CAST: variants seen among roughly 807,000 people sequenced by gnomAD.
CAST encodes calpastatin.
A neutral mutation model predicts 119.6 loss-of-function variants in CAST; 76 were observed. The ratio of observed to expected loss-of-function variants is 0.64; its 90% CI spans 0.53 to 0.77. The LOEUF (loss-of-function observed/expected upper bound fraction) is 0.77. Among genes scored for constraint, CAST ranks in the 30% least tolerant of loss-of-function variants. The probability of loss-of-function intolerance (pLI) is 0.00; values close to 1 mark genes in which losing one functional copy is unlikely to be tolerated. For synonymous variants in CAST, 319 were observed against 331.6 expected, an observed-to-expected ratio of 0.96 and a Z score of 0.41; for missense variants, 953 against 946.5, an observed-to-expected ratio of 1.01 and a Z score of -0.09.
chr5:96,343,070 A>T, the CAST span, among the ~76,000 whole-genome samples: 1 of 152,318 alleles, frequency 6.6e-6, no homozygotes, highest in South Asian at 2.1e-4. Flanking sequence ...CATATTTTTA[A>T]AAAGAGCTAT....
chr5:96,479,425 A>G, the CAST span, among the ~76,000 whole-genome samples: 1 of 150,622 alleles, frequency 6.6e-6, no homozygotes, highest in Admixed American at 6.6e-5. Flanking sequence ...ATATCTAGTG[A>G]GTAACTACCA....
At chr5:96,646,274 C>CT (rs1483950461) in intron 1 of CAST, among the ~76,000 whole-genome samples, 1 of 152,170 alleles carries the variant, frequency 6.6e-6, no homozygotes, top group African/African-American at 2.4e-5. Flanking sequence ...ATAAATTTCT[C>CT]TAACAAATAT....
chr5:96,496,855 A>G, the CAST span, among the ~76,000 whole-genome samples: 1 of 151,852 alleles, frequency 6.6e-6, no homozygotes, highest in Non-Finnish European at 1.5e-5. Context: ...TAGGGGTGTT[A>G]GTGCTGTATT....
the CAST span, among the ~76,000 whole-genome samples, chr5:96,272,613 G>A: frequency 6.6e-6 from 1 of 152,070 alleles, no homozygotes; most frequent in Admixed American, 6.5e-5. Context: ...AGGGAGAGGG[G>A]GGATGAAGGG....
At chr5:96,183,157 AT>A in the CAST span, among the ~76,000 whole-genome samples, 2 of 88,318 alleles carry the variant, frequency 2.3e-5, no homozygotes, top group Admixed American at 2.7e-4. Flanking sequence ...AAAAAAATAA[AT>A]AAAATAATAA....
the CAST span, among the ~76,000 whole-genome samples, chr5:96,051,132 G>A: frequency 0.046 from 6,967 of 152,098 alleles, 295 homozygotes; most frequent in African/African-American, 0.094. Context: ...TAAAGTGTTT[G>A]TATCTGCTTG....
chr5:96,683,948 A>T (rs957163029), intron 2 of CAST, among the ~76,000 whole-genome samples: 4 of 152,228 alleles, frequency 2.6e-5, no homozygotes, highest in African/African-American at 9.6e-5. Flanking sequence ...CAGTGAGAGC[A>T]TCTTCTTTCT....
chr5:96,626,087 C>A (rs950080466), intron 1 of CAST, among the ~76,000 whole-genome samples: 2 of 152,152 alleles, frequency 1.3e-5, no homozygotes, highest in Non-Finnish European at 2.9e-5. Flanking sequence ...CCTAATAAAT[C>A]TCTGGCATAT....
the CAST span, among the ~76,000 whole-genome samples, chr5:96,369,636 C>T: frequency 6.6e-6 from 1 of 152,086 alleles, no homozygotes; most frequent in Admixed American, 6.6e-5. Flanking sequence ...AATCTCCTTT[C>T]TGATATTTAA....
chr5:96,324,172 C>T, the CAST span, among the ~76,000 whole-genome samples: 1 of 152,054 alleles, frequency 6.6e-6, no homozygotes, highest in Non-Finnish European at 1.5e-5. Flanking sequence ...TCCCTAGGAC[C>T]CTTATCCTTT....
chr5:96,018,854 CAA>C, the CAST span, among the ~76,000 whole-genome samples: 72 of 152,294 alleles, frequency 4.7e-4, no homozygotes, highest in African/African-American at 1.7e-3. Flanking sequence ...AGAAAGTTAA[CAA>C]AGTCTAAATT....
At chr5:96,660,980 C>T (rs1301440238), upstream of CAST, among the ~76,000 whole-genome samples, 1 of 151,504 alleles carries the variant, frequency 6.6e-6, no homozygotes, top group Non-Finnish European at 1.5e-5. Flanking sequence ...CTCTTCTCCC[C>T]GCATCCCCTC....
At chr5:95,993,819 C>T in the CAST span, among the ~76,000 whole-genome samples, 3 of 151,804 alleles carry the variant, frequency 2.0e-5, no homozygotes, top group Non-Finnish European at 4.4e-5. Context: ...TTTGAACAGA[C>T]GCTTCAAAAA....
chr5:96,532,547 C>T (rs961602020), intron 1 of CAST, among the ~76,000 whole-genome samples: 3 of 152,038 alleles, frequency 2.0e-5, no homozygotes, highest in African/African-American at 7.2e-5. Flanking sequence ...AGACCCTGTC[C>T]ATACAAAAAA....
chr5:96,726,934 T>C (rs975584676), intron 5 of CAST, 75 bp downstream of exon 5: 2 of 1,002,730 alleles, frequency 2.0e-6, no homozygotes, highest in Non-Finnish European at 1.6e-6. Context: ...TGCTAATAAC[T>C]GCAATTCACA....
At chr5:96,413,415 T>A in the CAST span, among the ~76,000 whole-genome samples, 2 of 152,234 alleles carry the variant, frequency 1.3e-5, no homozygotes, top group African/African-American at 4.8e-5. Context: ...AGCCTTAGAT[T>A]TTCACACTTA....
chr5:96,066,095 G>A, the CAST span, among the ~76,000 whole-genome samples: 1 of 152,198 alleles, frequency 6.6e-6, no homozygotes, highest in East Asian at 1.9e-4. Flanking sequence ...TTAATGAAGA[G>A]AGAAGATGAA....
chr5:96,689,115 G>A (rs944076711), intron 2 of CAST, among the ~76,000 whole-genome samples: 5 of 152,144 alleles, frequency 3.3e-5, no homozygotes, highest in African/African-American at 1.2e-4. Flanking sequence ...AATATTTTTA[G>A]TTCATATTCT....
At chr5:96,000,502 G>A in the CAST span, among the ~76,000 whole-genome samples, 5 of 152,052 alleles carry the variant, frequency 3.3e-5, no homozygotes, top group Admixed American at 1.3e-4. Flanking sequence ...GACATCTGTC[G>A]GGAGCTTCGC....
Sources: allele counts gnomAD v4.1 joint callset (sites outside exome capture counted in the v4.1 genomes callset), GRCh38; gene constraint gnomAD v4.1.1; transcripts MANE v1.5; gene names NCBI Gene and HGNC (gene_info 2026-07-23, HGNC 2026-07-21).